SVIL: variants seen among roughly 807,000 people sequenced by gnomAD.
SVIL encodes archvillin.
Under a neutral mutation model 240.4 loss-of-function variants are expected in SVIL, and 101 were observed. The observed-to-expected ratio is 0.42, with a 90% CI of 0.36 to 0.50. The LOEUF is 0.50. SVIL is among the 20% of genes least tolerant of loss of function. The probability of loss-of-function intolerance (pLI) is 0.01; values close to 1 mark genes in which losing one functional copy is unlikely to be tolerated. For missense variants in SVIL, 2,512 were observed against 2,818.7 expected (o/e 0.89, Z 2.46); for synonymous variants, 999 against 1,100.0 (o/e 0.91, Z 1.82).
At chr10:29,512,941 G>T in intron 16 of SVIL, 80 bp from the exon 17 acceptor site, 1 of 1,537,012 alleles carries the variant, frequency 6.5e-7, no homozygotes, top group Admixed American at 2.0e-5. Flanking sequence ...AGGTAAGAGA[G>T]GCGGCTTGGG....
In SVIL at chr10:29,463,629, A is replaced by G; in HGVS notation, c.6140T>C (p.Phe2047Ser). The change falls in exon 35 of 38, where the codon TTC becomes TCC. Residue 2047 changes from phenylalanine to serine, a missense_variant. Physicochemically the swap from Phe to Ser is radical, Grantham distance 155. Transcript: ENST00000355867. Reference sequence around the variant, plus strand: ...CACCTCGTGGTGATTGTCAACAAGGAAAAGTGCTGTGAGGGCAGGGACAGG... The same window carrying G: ...CACCTCGTGGTGATTGTCAACAAGGGAAAGTGCTGTGAGGGCAGGGACAGG... ...DLYSAPQPAL[F>S]LVDNHHEVYL... The G allele has an allele frequency of 1.9e-6, 3 of 1,613,980 alleles. No individual in the cohort carries two copies. The highest frequency in any genetic ancestry group is 2.5e-6 in the Non-Finnish European group (3 of 1,179,966).
chr10:29,464,534 C>A (rs979533718), intron 34 of SVIL, among the ~76,000 whole-genome samples: 1 of 152,206 alleles, frequency 6.6e-6, no homozygotes, highest in African/African-American at 2.4e-5. Context: ...CTGACTCTTA[C>A]TCCAGGTGGC....
At chr10:29,534,984 T>C (rs939808773) in intron 7 of SVIL, among the ~76,000 whole-genome samples, 1 of 152,212 alleles carries the variant, frequency 6.6e-6, no homozygotes, top group Admixed American at 6.5e-5. Context: ...AAGGGATTTC[T>C]TGCGGGGAGA....
chr10:29,467,077 G>T (rs951485355), intron 33 of SVIL, among the ~76,000 whole-genome samples: 61 of 152,114 alleles, frequency 4.0e-4, no homozygotes, highest in African/African-American at 1.4e-3. Flanking sequence ...GGTGCTGGCT[G>T]GTGTCTGGCT....
intron 1 of SVIL, among the ~76,000 whole-genome samples, chr10:29,715,155 T>G (rs1168696963): frequency 6.6e-6 from 1 of 152,126 alleles, no homozygotes; most frequent in Non-Finnish European, 1.5e-5. Flanking sequence ...AGGAGGAGTT[T>G]AATCAGGGTC....
chr10:29,589,542 C>T (rs1394368013), intron 1 of SVIL, among the ~76,000 whole-genome samples: 2 of 152,154 alleles, frequency 1.3e-5, no homozygotes, highest in Non-Finnish European at 2.9e-5. Flanking sequence ...GGCACTGAAG[C>T]ACCACCGTAT....
chr10:29,526,867 G>T, intron 13 of SVIL, 94 bp downstream of exon 13: 1 of 1,083,976 alleles, frequency 9.2e-7, no homozygotes, highest in Non-Finnish European at 1.3e-6. Flanking sequence ...TGACTTGTTT[G>T]TCAAACAAAC....
chr10:29,609,037 C>G (rs938180742), intron 1 of SVIL, among the ~76,000 whole-genome samples: 8 of 152,184 alleles, frequency 5.3e-5, no homozygotes, highest in Admixed American at 5.2e-4. Context: ...CCAGACTCAG[C>G]CAGCCTAAGA....
At chr10:29,610,448 AT>A (rs113668853) in intron 1 of SVIL, among the ~76,000 whole-genome samples, 17,258 of 136,724 alleles carry the variant, frequency 0.13, 933 homozygotes, top group Middle Eastern at 0.2. Flanking sequence ...TTCACTCTGC[AT>A]TTTTTTTTTT....
chr10:29,736,328 C>T (rs1000015949), upstream of SVIL, among the ~76,000 whole-genome samples: 2 of 152,348 alleles, frequency 1.3e-5, no homozygotes, highest in South Asian at 2.1e-4. Flanking sequence ...AAGTTTGTGT[C>T]CTGTGTCTCA....
intron 1 of SVIL, among the ~76,000 whole-genome samples, chr10:29,582,943 G>C (rs758509964): frequency 1.3e-5 from 2 of 152,058 alleles, no homozygotes; most frequent in Admixed American, 6.5e-5. Context: ...AGCGGAGAAG[G>C]CTCTGCCAAA....
At chr10:29,727,847 G>C (rs187772842) in intron 1 of SVIL, among the ~76,000 whole-genome samples, 9 of 152,190 alleles carry the variant, frequency 5.9e-5, no homozygotes, top group Admixed American at 5.2e-4. Context: ...AACAGTGCTA[G>C]ACCCCCTGGC....
At chr10:29,556,705 G>A (rs947033213) in intron 3 of SVIL, among the ~76,000 whole-genome samples, 7 of 152,130 alleles carry the variant, frequency 4.6e-5, no homozygotes, top group African/African-American at 1.7e-4. Flanking sequence ...AGAAGACAGG[G>A]GTATAATGAG....
chr10:29,620,984 T>G (rs1957614744), intron 1 of SVIL, among the ~76,000 whole-genome samples: 1 of 150,184 alleles, frequency 6.7e-6, no homozygotes, highest in Non-Finnish European at 1.5e-5. Context: ...TTTTTTTTTT[T>G]GTAGATATGG....
At chr10:29,655,562 C>T (rs1300508289) in intron 3 of SVIL, among the ~76,000 whole-genome samples, 1 of 152,206 alleles carries the variant, frequency 6.6e-6, no homozygotes, top group African/African-American at 2.4e-5. Context: ...TCCACCAACT[C>T]AAATGTCAAT....
At chr10:29,723,385 CA>C (rs1964102729) in intron 1 of SVIL, among the ~76,000 whole-genome samples, 1 of 152,128 alleles carries the variant, frequency 6.6e-6, no homozygotes, top group South Asian at 2.1e-4. Flanking sequence ...GTCTCAAAAA[CA>C]TAAAAAATAA....
intron 1 of SVIL, among the ~76,000 whole-genome samples, chr10:29,704,030 G>C (rs890545018): frequency 6.6e-6 from 1 of 151,984 alleles, no homozygotes; most frequent in South Asian, 2.1e-4. Context: ...CTCGAATTCC[G>C]GGCATCAAAT....
At chr10:29,582,791 A>T (rs1007582497) in intron 1 of SVIL, among the ~76,000 whole-genome samples, 10 of 151,588 alleles carry the variant, frequency 6.6e-5, no homozygotes, top group African/African-American at 2.4e-4. Flanking sequence ...TGTTCACTGT[A>T]TGGGGTCTGT....
At chr10:29,528,024 C>T (rs975614638) in intron 12 of SVIL, among the ~76,000 whole-genome samples, 10 of 152,024 alleles carry the variant, frequency 6.6e-5, no homozygotes, top group African/African-American at 1.4e-4. Context: ...CCACTGCACC[C>T]GGCCTCAATC....
Sources: gnomAD v4.1 joint callset for allele counts (sites outside exome capture counted in the v4.1 genomes callset) on GRCh38, gnomAD v4.1.1 for gene constraint, MANE v1.5 for transcripts, NCBI Gene and HGNC (gene_info 2026-07-23, HGNC 2026-07-21) for gene names.